ENTREP2: variants seen among roughly 807,000 people sequenced by gnomAD.
ENTREP2 encodes protein ENTREP2.
chr15:29,540,267 G>A, the ENTREP2 span, among the ~76,000 whole-genome samples: 37 of 152,184 alleles, frequency 2.4e-4, no homozygotes, highest in Non-Finnish European at 3.5e-4. Flanking sequence ...CTCTCTTCTC[G>A]CTATGTTGAA....
the ENTREP2 span, among the ~76,000 whole-genome samples, chr15:29,398,755 T>C: frequency 6.6e-6 from 1 of 152,054 alleles, no homozygotes; most frequent in Non-Finnish European, 1.5e-5. Context: ...AAAATGATTC[T>C]GAAAGTACTC....
At chr15:29,490,711 G>T in the ENTREP2 span, among the ~76,000 whole-genome samples, 1 of 152,098 alleles carries the variant, frequency 6.6e-6, no homozygotes, top group Admixed American at 6.5e-5. Context: ...TACAAACCTT[G>T]AGCTAGACAC....
chr15:29,297,249 AC>A, the ENTREP2 span, among the ~76,000 whole-genome samples: 49 of 152,170 alleles, frequency 3.2e-4, no homozygotes, highest in Non-Finnish European at 1.0e-4. Context: ...AACCAAAATG[AC>A]CAAAGAGACA....
chr15:29,151,716 G>C, the ENTREP2 span: 205 of 1,536,830 alleles, frequency 1.3e-4, 2 homozygotes, highest in Middle Eastern at 6.7e-4. Flanking sequence ...CAGAGGAGGA[G>C]GGGATCAGGC....
the ENTREP2 span, among the ~76,000 whole-genome samples, chr15:29,309,639 A>G: frequency 7.9e-6 from 1 of 126,368 alleles, no homozygotes; most frequent in Non-Finnish European, 1.6e-5. Context: ...AAATACAAAA[A>G]ATTAGTCGTG....
the ENTREP2 span, among the ~76,000 whole-genome samples, chr15:29,185,149 A>G: frequency 3.9e-5 from 6 of 152,044 alleles, no homozygotes; most frequent in African/African-American, 1.4e-4. Context: ...TACCTTCCAG[A>G]TATTGTCCCA....
the ENTREP2 span, among the ~76,000 whole-genome samples, chr15:29,433,103 C>A: frequency 3.3e-5 from 5 of 152,184 alleles, no homozygotes; most frequent in South Asian, 2.1e-4. Flanking sequence ...AGCCAAGGAA[C>A]CTGCCTGGGC....
chr15:29,258,229 A>AG, the ENTREP2 span, among the ~76,000 whole-genome samples: 187 of 150,078 alleles, frequency 1.2e-3, 1 homozygote, highest in South Asian at 6.6e-3. Flanking sequence ...AAAAAAAAAA[A>AG]AAAAGAAAGA....
the ENTREP2 span, among the ~76,000 whole-genome samples, chr15:29,551,316 G>A: frequency 1.2e-4 from 19 of 152,284 alleles, no homozygotes; most frequent in East Asian, 1.6e-3. Context: ...GCAGGGAGCT[G>A]GCACTTCCAT....
At chr15:29,387,995 A>C in the ENTREP2 span, among the ~76,000 whole-genome samples, 1 of 152,232 alleles carries the variant, frequency 6.6e-6, no homozygotes, top group Non-Finnish European at 1.5e-5. Flanking sequence ...CTTATATGTT[A>C]GACCTAAAAC....
chr15:29,671,533 T>C, the ENTREP2 span, among the ~76,000 whole-genome samples: 1 of 152,180 alleles, frequency 6.6e-6, no homozygotes, highest in Admixed American at 6.5e-5. Flanking sequence ...CAGTTGGTAC[T>C]GAGAACTGGC....
At chr15:29,510,546 C>T in the ENTREP2 span, among the ~76,000 whole-genome samples, 2 of 152,120 alleles carry the variant, frequency 1.3e-5, no homozygotes, top group Admixed American at 6.5e-5. Flanking sequence ...CACATATACA[C>T]CTGTAATCCA....
At chr15:29,178,060 A>T in the ENTREP2 span, among the ~76,000 whole-genome samples, 1 of 152,152 alleles carries the variant, frequency 6.6e-6, no homozygotes, top group Non-Finnish European at 1.5e-5. Context: ...AGGGAGGTTG[A>T]GGCAGGAGGA....
At chr15:29,452,088 C>T in the ENTREP2 span, among the ~76,000 whole-genome samples, 1 of 152,228 alleles carries the variant, frequency 6.6e-6, no homozygotes, top group Non-Finnish European at 1.5e-5. Context: ...ACATTTTACA[C>T]ACTTTTCTAT....
At chr15:29,369,139 G>T in the ENTREP2 span, among the ~76,000 whole-genome samples, 4 of 152,032 alleles carry the variant, frequency 2.6e-5, no homozygotes, top group African/African-American at 7.2e-5. Flanking sequence ...CAGGAGAGGA[G>T]AGAAAGTGAA....
the ENTREP2 span, among the ~76,000 whole-genome samples, chr15:29,659,766 A>G: frequency 6.6e-6 from 1 of 151,634 alleles, no homozygotes; most frequent in African/African-American, 2.4e-5. Flanking sequence ...CATTTTTATT[A>G]CCGTATGATA....
chr15:29,534,972 A>G, the ENTREP2 span, among the ~76,000 whole-genome samples: 1 of 152,260 alleles, frequency 6.6e-6, no homozygotes, highest in Non-Finnish European at 1.5e-5. Context: ...GGGGCCAGGC[A>G]TGGTGGCTCA....
chr15:29,190,937 G>A, the ENTREP2 span, among the ~76,000 whole-genome samples: 22 of 152,150 alleles, frequency 1.4e-4, no homozygotes, highest in African/African-American at 4.1e-4. Context: ...TTAGCTAAGC[G>A]TCAAGAACAT....
At chr15:29,155,142 C>T in the ENTREP2 span, among the ~76,000 whole-genome samples, 6 of 151,604 alleles carry the variant, frequency 4.0e-5, no homozygotes, top group African/African-American at 7.2e-5. Flanking sequence ...ATTAGTCGGG[C>T]GTGGTGGCCG....
Sources: gnomAD v4.1 joint callset for allele counts (sites outside exome capture counted in the v4.1 genomes callset) on GRCh38, gnomAD v4.1.1 for gene constraint, MANE v1.5 for transcripts, NCBI Gene and HGNC (gene_info 2026-07-23, HGNC 2026-07-21) for gene names.